The following ARHGAP9 variants were observed in gnomAD, a reference collection of about 807,000 sequenced individuals.
The protein encoded by ARHGAP9 is rho GTPase-activating protein 9.
ARHGAP9 carries 76 observed loss-of-function variants against 87.3 expected under a neutral mutation model. The observed-to-expected ratio is 0.87, with a 90% CI of 0.72 to 1.05. The LOEUF (loss-of-function observed/expected upper bound fraction) is 1.05. Among genes scored for constraint, ARHGAP9 ranks in the 50% least tolerant of loss-of-function variants. The pLI, the probability that ARHGAP9 is intolerant of heterozygous loss-of-function variation, is 0.00. For missense variants in ARHGAP9, 941 were observed against 960.5 expected, an observed-to-expected ratio of 0.98 and a Z score of 0.27; for synonymous variants, 382 against 394.9, an observed-to-expected ratio of 0.97 and a Z score of 0.39.
intron 1 of ARHGAP9, chr12:57,487,859 A>C: frequency 2.2e-6 from 1 of 463,068 alleles, no homozygotes; most frequent in Non-Finnish European, 3.9e-6. Flanking sequence ...ACAAAAAAAA[A>C]AAAAAAAAAA....
At chr12:57,480,077 C>T (rs963655655), upstream of ARHGAP9, 1 of 985,350 alleles carries the variant, frequency 1.0e-6, no homozygotes, top group Non-Finnish European at 1.2e-6. Flanking sequence ...GAAATATCAC[C>T]ACCCTCCCAA....
At position 57,479,526 on chromosome 12, in the gene ARHGAP9, C is replaced by T. The variant is rs563608479; in HGVS notation, c.-18-102G>A. The T allele has an allele frequency of 3.0e-5, 45 of 1,496,024 alleles. 1 individual carries two copies. Among genetic ancestry groups the T allele is most frequent in the South Asian group, 2.8e-4 (21 of 75,552 alleles). 92.7% of individuals were successfully genotyped at this position (1,496,024 alleles called of 1,614,324 possible). A position where few individuals can be genotyped will look rare whatever the true frequency, so the allele number is the denominator to read the frequency against. ...GAGCAGTGTTGCAGGGAGGTGAGGACGGGAGCCCTTGAGTTGGGGGAGAGG... is the reference window on the plus strand; with the variant it reads ...GAGCAGTGTTGCAGGGAGGTGAGGATGGGAGCCCTTGAGTTGGGGGAGAGG... On this transcript the variant is annotated intron_variant, in intron 1 of 17. Transcript: ENST00000393791.
intron 1 of ARHGAP9, among the ~76,000 whole-genome samples, chr12:57,486,711 C>T (rs2139988040): frequency 6.7e-6 from 1 of 149,496 alleles, no homozygotes. Flanking sequence ...CGGTGAAACC[C>T]CGTCTCTACT....
Position 57,477,457 on chromosome 12 carries a change from A to G in ARHGAP9, c.756+2T>C. 1 of 1,613,892 alleles carries G rather than the reference A, an allele frequency of 6.2e-7. No individual in the cohort carries two copies. Among genetic ancestry groups the G allele is most frequent in the South Asian group, 1.1e-5 (1 of 91,054 alleles). ...GTGGAGAAGCAGGAGGTAAGGTCTC[A>G]CCGTCTCGCTGCGACTGCGGCGCGG... On this transcript the variant is annotated splice_donor_variant, in intron 4 of 17. Transcript: ENST00000393791. LOFTEE classifies it high-confidence loss of function.
intron 1 of ARHGAP9, chr12:57,488,235 G>A: frequency 6.3e-7 from 1 of 1,578,660 alleles, no homozygotes; most frequent in African/African-American, 1.3e-5. Context: ...GTGGATGGGG[G>A]GGCGGGACCG....
Position 57,476,116 on chromosome 12 carries a change from G to A in ARHGAP9, c.1167C>T (p.Ala389=). The part of the protein sequence containing the change: ...PESSVDLRGA[A]LAHGRHLSSR... The stretch of plus-strand genomic sequence containing the variant: ...TGGACAGGTGGCGGCCGTGCGCCAG[G>A]GCCGCCCCGCGCAGGTCCACGCTAC... Residue 389 remains alanine (A), a synonymous_variant, in exon 9 of 18, where the codon GCC becomes GCT. Coordinates refer to ENST00000393791, the MANE Select transcript of ARHGAP9 (RefSeq NM_032496.4). The A allele has an allele frequency of 5.8e-6, 9 of 1,541,434 alleles. No homozygotes were observed. Among genetic ancestry groups the A allele is most frequent in the Non-Finnish European group, 7.9e-6 (9 of 1,143,928 alleles).
chr12:57,486,767 TC>T (rs1281981878), intron 1 of ARHGAP9, among the ~76,000 whole-genome samples: 1 of 147,920 alleles, frequency 6.8e-6, no homozygotes, highest in Non-Finnish European at 1.5e-5. Flanking sequence ...CACCTGTAGT[TC>T]CAGCTACTCG....
chr12:57,482,715 A>C (rs372837300), upstream of ARHGAP9, among the ~76,000 whole-genome samples: 2 of 152,254 alleles, frequency 1.3e-5, no homozygotes, highest in South Asian at 2.1e-4. Context: ...AAAATAAATA[A>C]ATAAAATAAT....
chr12:57,474,355 G>T, intron 15 of ARHGAP9, 68 bp downstream of exon 15: 2 of 1,597,050 alleles, frequency 1.3e-6, no homozygotes, highest in South Asian at 2.2e-5. Context: ...AGTACATGGG[G>T]GTTTCCACGG....
chr12:57,474,933 C>T lies in ARHGAP9; in HGVS notation c.1593G>A (p.Arg531=). Residue 531 remains arginine, a synonymous_variant, in exon 13 of 18, where the codon CGG becomes CGA. Transcript: ENST00000393791. Reference sequence around the variant, plus strand: ...AAAAGCTGGGCACCGTGTCTCCTTCCCGCTGGCAGAGTGATTCCAACTGGC... The same window carrying T: ...AAAAGCTGGGCACCGTGTCTCCTTCTCGCTGGCAGAGTGATTCCAACTGGC... ...FGCQLESLCQ[R]EGDTVPSFLR... is the part of the protein sequence containing the mutation. The T allele has an allele frequency of 1.9e-6, 3 of 1,614,158 alleles. No homozygotes were observed. The South Asian group carries it at 3.3e-5, about 18-fold the overall frequency.
chr12:57,476,764 C>T, intron 6 of ARHGAP9, 107 bp downstream of exon 6: 1 of 1,406,468 alleles, frequency 7.1e-7, no homozygotes. Context: ...TGGGGGAGGG[C>T]TGGGTAGGAG....
chr12:57,478,186 G>A (rs1874464955), intron 3 of ARHGAP9: 1 of 314,928 alleles, frequency 3.2e-6, no homozygotes, highest in East Asian at 8.0e-5. Context: ...GAGTCTGGAG[G>A]AAGGAAGAGC....
intron 7 of ARHGAP9, 64 bp from the exon 8 acceptor site, chr12:57,476,518 G>A (rs1236225964): frequency 3.1e-6 from 5 of 1,612,162 alleles, no homozygotes; most frequent in East Asian, 2.2e-5. Flanking sequence ...CACGAGGAGG[G>A]TGCTCTTCCA....
chr12:57,476,229 G>T (rs949211544), intron 8 of ARHGAP9, 63 bp from the exon 9 acceptor site: 42 of 1,499,592 alleles, frequency 2.8e-5, no homozygotes, highest in Middle Eastern at 3.6e-4. Flanking sequence ...CCTCTCCCCG[G>T]TGGGCTGTGA....
At chr12:57,476,195 C>CGGTGTT in intron 8 of ARHGAP9, 29 bp from the exon 9 acceptor site, 1 of 1,524,320 alleles carries the variant, frequency 6.6e-7, no homozygotes, top group Non-Finnish European at 8.8e-7. Context: ...ACTGAGGCCA[C>CGGTGTT]GGTGTTGTTT....
Position 57,476,888 on chromosome 12 carries a change from G to C in ARHGAP9, c.946C>G (p.Leu316Val). The change falls in exon 6 of 18, where the codon CTC becomes GTC. Residue 316 changes from leucine (L) to valine (V), a missense_variant. Coordinates refer to ENST00000393791, the MANE Select transcript of ARHGAP9 (RefSeq NM_032496.4). ...AGATTCACATGGGGGTCGTCCAGGA[G>C]CTGCGGCAGAGGTCGAGGGGCCTGC... ...ALQAPRPLPQLLDDPHEVEKS... is the reference protein window; with the variant it reads ...ALQAPRPLPQVLDDPHEVEKS... The C allele has an allele frequency of 1.2e-6, 2 of 1,614,006 alleles. No individual in the cohort carries two copies. Among genetic ancestry groups the C allele is most frequent in the Non-Finnish European group, 1.7e-6 (2 of 1,179,960 alleles).
At chr12:57,473,946 C>T in intron 16 of ARHGAP9, 96 bp downstream of exon 16, 1 of 1,465,312 alleles carries the variant, frequency 6.8e-7, no homozygotes, top group Non-Finnish European at 9.1e-7. Flanking sequence ...TCTCTAAAGT[C>T]AGAATGGGAA....
chr12:57,479,939 A>G, upstream of ARHGAP9: 1 of 1,421,166 alleles, frequency 7.0e-7, no homozygotes, highest in Non-Finnish European at 9.2e-7. Flanking sequence ...GTCACCTCAG[A>G]CCATAGCTGC....
At chr12:57,474,805 A>G in intron 13 of ARHGAP9, 70 bp downstream of exon 13, 1 of 1,606,834 alleles carries the variant, frequency 6.2e-7, no homozygotes, top group South Asian at 1.1e-5. Flanking sequence ...GACTAGGTAG[A>G]ATGGGGGAGG....
Sources: gnomAD v4.1 joint callset for allele counts (sites outside exome capture counted in the v4.1 genomes callset) on GRCh38, gnomAD v4.1.1 for gene constraint, MANE v1.5 for transcripts, NCBI Gene and HGNC (gene_info 2026-07-23, HGNC 2026-07-21) for gene names.